NHSL1: variants seen among roughly 807,000 people sequenced by gnomAD.
NHSL1 encodes NHS like 1.
In NHSL1, 48 loss-of-function variants were observed where a neutral mutation model predicts 95.0. The ratio of observed to expected loss-of-function variants is 0.51; its 90% confidence interval spans 0.40 to 0.64. The LOEUF is 0.64. NHSL1 is among the 30% of genes least tolerant of loss of function. The pLI, the probability that NHSL1 is intolerant of heterozygous loss-of-function variation, is 0.00. For missense variants in NHSL1, 1,971 were observed against 2,077.7 expected (o/e 0.95, Z 1.00); for synonymous variants, 783 against 833.9 (o/e 0.94, Z 1.05).
Position 138,422,547 on chromosome 6 carries a change from C to T in NHSL1, c.*1534G>A, listed in dbSNP as rs878859632. On this transcript the variant is annotated 3_prime_UTR_variant, in exon 8 of 8. Transcript: ENST00000343505. ...GCACTAGATTCAGACCAAGACTCTCCGCATTGTCATCCTAGGTCCTTCTAA... is the reference window on the plus strand; with the variant it reads ...GCACTAGATTCAGACCAAGACTCTCTGCATTGTCATCCTAGGTCCTTCTAA... The T allele has an allele frequency of 1.1e-4, 17 of 152,296 alleles. No individual in the cohort carries two copies. Among genetic ancestry groups the T allele is most frequent in the East Asian group, 3.9e-4 (2 of 5,194 alleles). The allele number at this position is 152,296 out of a possible 1,614,324, so 9.4% of individuals were successfully genotyped here. A position where few individuals can be genotyped will look rare whatever the true frequency, so the allele number is the denominator to read the frequency against.
chr6:138,515,835 A>G (rs4074123), intron 1 of NHSL1, among the ~76,000 whole-genome samples: 36,494 of 152,208 alleles, frequency 0.24, 6,930 homozygotes, highest in African/African-American at 0.53. Flanking sequence ...AGAGGAAAAC[A>G]GATATGAAAC....
intron 2 of NHSL1, among the ~76,000 whole-genome samples, chr6:138,489,227 C>T (rs550506914): frequency 4.6e-4 from 70 of 152,326 alleles, no homozygotes; most frequent in African/African-American, 1.5e-3. Context: ...CCTCCCTCCA[C>T]AGACACTTAT....
intron 2 of NHSL1, among the ~76,000 whole-genome samples, chr6:138,482,075 A>G (rs78811398): frequency 7.7e-4 from 117 of 152,338 alleles, no homozygotes; most frequent in African/African-American, 2.6e-3. Context: ...GAGGGCCAAT[A>G]TGAAAGTATG....
chr6:138,509,843 A>C (rs1296123875), intron 1 of NHSL1, among the ~76,000 whole-genome samples: 1 of 152,360 alleles, frequency 6.6e-6, no homozygotes, highest in Admixed American at 6.5e-5. Context: ...AGTACCCCTG[A>C]GTTATACAAA....
At chr6:138,581,692 CAAAA>C (rs1163761095) in intron 1 of NHSL1, among the ~76,000 whole-genome samples, 36 of 67,286 alleles carry the variant, frequency 5.4e-4, no homozygotes, top group African/African-American at 8.9e-4. Flanking sequence ...ACTCCGTCTC[CAAAA>C]AAAAAAAAAA....
chr6:138,633,620 C>T (rs1170721110), intron 1 of NHSL1, among the ~76,000 whole-genome samples: 5 of 152,140 alleles, frequency 3.3e-5, no homozygotes, highest in African/African-American at 1.2e-4. Context: ...AGAAATTTGT[C>T]GTCCCCAGAC....
chr6:138,451,818 T>A (rs1777256476), intron 3 of NHSL1, among the ~76,000 whole-genome samples: 1 of 152,200 alleles, frequency 6.6e-6, no homozygotes, highest in Non-Finnish European at 1.5e-5. Context: ...TTACTAGGTC[T>A]TCTGGTCTCA....
At chr6:138,557,074 A>G (rs967574302) in intron 1 of NHSL1, among the ~76,000 whole-genome samples, 2 of 152,180 alleles carry the variant, frequency 1.3e-5, no homozygotes, top group African/African-American at 4.8e-5. Context: ...ACTCGGAGTG[A>G]TTTTTACAGG....
In NHSL1 at chr6:138,432,146, C is replaced by A; in HGVS notation, c.2199G>T (p.Leu733=). 6.5e-7 allele frequency: 1 copy of A among 1,548,454 alleles called. No individual in the cohort carries two copies. Among genetic ancestry groups the A allele is most frequent in the Non-Finnish European group, 8.7e-7 (1 of 1,145,180 alleles). The change falls in exon 6 of 8, where the codon CTG becomes CTT. Residue 733 remains leucine (L), a synonymous_variant. Coordinates refer to ENST00000343505, the MANE Select transcript of NHSL1 (RefSeq NM_001144060.2). The surrounding 1 kb of genome is among the most constrained non-coding windows in gnomAD (Gnocchi z 4.4). ...CTGTGCTCTGGCTCCGGGAGCGGGG[C>A]AGCCAGGGCTCTTCCAAGTCACTGC... ...SPCSDLEEPW[L]PRSRSQSTVS...
At chr6:138,520,227 T>C (rs910955753) in intron 1 of NHSL1, among the ~76,000 whole-genome samples, 1 of 151,456 alleles carries the variant, frequency 6.6e-6, no homozygotes, top group African/African-American at 2.4e-5. Context: ...AATTTCAAAA[T>C]TGGACACAGT....
chr6:138,446,678 C>A, intron 4 of NHSL1: 1 of 230,138 alleles, frequency 4.3e-6, no homozygotes, highest in Non-Finnish European at 8.5e-6. Flanking sequence ...TACCTAGGAC[C>A]ACATTTACAA....
chr6:138,589,642 T>G (rs192612220), intron 1 of NHSL1, among the ~76,000 whole-genome samples: 138 of 152,320 alleles, frequency 9.1e-4, no homozygotes, highest in African/African-American at 3.2e-3. Context: ...CATCTATGCC[T>G]TCCCTGTCCT....
At chr6:138,544,171 C>A (rs1316580059) in intron 1 of NHSL1, among the ~76,000 whole-genome samples, 1 of 152,084 alleles carries the variant, frequency 6.6e-6, no homozygotes, top group Non-Finnish European at 1.5e-5. Flanking sequence ...ATTTCAACTG[C>A]ACTGTGGAAA....
At chr6:138,658,219 TTC>T (rs1258831327) in intron 1 of NHSL1, among the ~76,000 whole-genome samples, 1 of 152,218 alleles carries the variant, frequency 6.6e-6, no homozygotes, top group Non-Finnish European at 1.5e-5. Flanking sequence ...TTGATATACA[TTC>T]TGAGATGATT....
chr6:138,677,068 T>G (rs1191262619), intron 1 of NHSL1, among the ~76,000 whole-genome samples: 12 of 152,230 alleles, frequency 7.9e-5, no homozygotes, highest in Non-Finnish European at 1.3e-4. Context: ...AAGTAATAAA[T>G]TATAAAGCTG....
intron 1 of NHSL1, among the ~76,000 whole-genome samples, chr6:138,497,855 C>G (rs1780448438): frequency 6.6e-6 from 1 of 152,116 alleles, no homozygotes; most frequent in Non-Finnish European, 1.5e-5. Flanking sequence ...TCAAAAGGAC[C>G]CCACCTTCTC....
intron 5 of NHSL1, among the ~76,000 whole-genome samples, chr6:138,435,008 T>A (rs1460418185): frequency 6.6e-6 from 1 of 152,136 alleles, no homozygotes; most frequent in East Asian, 1.9e-4. Flanking sequence ...GCGAAGATGA[T>A]CTATTTCCTC....
At chr6:138,649,914 G>A (rs938869240) in intron 1 of NHSL1, among the ~76,000 whole-genome samples, 8 of 152,076 alleles carry the variant, frequency 5.3e-5, no homozygotes, top group Admixed American at 4.6e-4. Context: ...GGGCCCCCAC[G>A]AGCCATTCTC....
At chr6:138,480,369 G>C (rs552298674) in intron 2 of NHSL1, among the ~76,000 whole-genome samples, 54 of 152,294 alleles carry the variant, frequency 3.5e-4, no homozygotes, top group Non-Finnish European at 5.7e-4. Context: ...AGAATGTATG[G>C]AGGGCTGACT....
Sources: allele counts gnomAD v4.1 joint callset (sites outside exome capture counted in the v4.1 genomes callset), GRCh38; gene constraint gnomAD v4.1.1; non-coding constraint Gnocchi (gnomAD v3.1); transcripts MANE v1.5; gene names NCBI Gene and HGNC (gene_info 2026-07-23, HGNC 2026-07-21).